Variants in DLG2 observed in about 807,000 individuals in gnomAD.
DLG2 encodes the protein disks large homolog 2.
DLG2 carries 45 observed loss-of-function variants against 132.5 expected under a neutral mutation model. The ratio of observed to expected loss-of-function variants is 0.34; its 90% CI spans 0.27 to 0.44. The LOEUF is 0.44. DLG2 is among the 20% of genes least tolerant of loss of function. The pLI, the probability that DLG2 is intolerant of heterozygous loss-of-function variation, is 1.00. For missense variants in DLG2, 1,045 were observed against 1,196.9 expected (o/e 0.87, Z 1.87); for synonymous variants, 424 against 419.6 (o/e 1.01, Z -0.13).
chr11:85,482,909 G>C (rs2153092189), intron 3 of DLG2, among the ~76,000 whole-genome samples: 1 of 152,272 alleles, frequency 6.6e-6, no homozygotes, highest in East Asian at 1.9e-4. Flanking sequence ...GATAGCCTTT[G>C]TGGACCCAGG....
At chr11:84,546,432 A>G (rs577206820) in intron 6 of DLG2, 2 of 227,814 alleles carry the variant, frequency 8.8e-6, no homozygotes, top group East Asian at 1.0e-4. Flanking sequence ...CCATGAGCCA[A>G]TTAAACCTCT....
chr11:84,112,297 CT>C (rs1259395317), intron 9 of DLG2, among the ~76,000 whole-genome samples: 56 of 139,146 alleles, frequency 4.0e-4, no homozygotes, highest in African/African-American at 4.8e-4. Flanking sequence ...CGCATCCGGC[CT>C]TTTTTTTTTT....
intron 10 of DLG2, among the ~76,000 whole-genome samples, chr11:84,070,617 G>A (rs534322655): frequency 1.1e-3 from 171 of 152,286 alleles, no homozygotes; most frequent in Non-Finnish European, 1.9e-3. Context: ...CATTTTCTCA[G>A]TCAAGTTCAA....
chr11:84,963,303 C>T lies in DLG2; in HGVS notation c.357+148358G>A, dbSNP rs145348602. Among the ~76,000 whole-genome samples the T allele has an allele frequency of 1.1e-4, 17 of 152,188 alleles. No individual in the cohort carries two copies. The East Asian group carries it at 1.7e-3, about 16-fold the overall frequency. ...TGAGCATTCAGTCACAGAATCAAAT[C>T]GGAGGGAAAAATATCTGCACTATAT... On this transcript the variant is annotated intron_variant, in intron 6 of 27. Coordinates refer to ENST00000376104, the MANE Select transcript of DLG2 (RefSeq NM_001142699.3).
chr11:84,352,696 C>T (rs1344083378), intron 7 of DLG2, among the ~76,000 whole-genome samples: 1 of 152,124 alleles, frequency 6.6e-6, no homozygotes, highest in Non-Finnish European at 1.5e-5. Flanking sequence ...TTTTTAATGT[C>T]TTAAAATAAC....
At chr11:83,571,615 T>C (rs2096798467) in intron 19 of DLG2, among the ~76,000 whole-genome samples, 1 of 151,036 alleles carries the variant, frequency 6.6e-6, no homozygotes, top group Non-Finnish European at 1.5e-5. Context: ...AAAAAAGTAC[T>C]GTTATTCAGC....
At chr11:84,905,111 C>T (rs1303561359) in intron 6 of DLG2, among the ~76,000 whole-genome samples, 1 of 152,118 alleles carries the variant, frequency 6.6e-6, no homozygotes, top group Non-Finnish European at 1.5e-5. Flanking sequence ...GCCTTGAACT[C>T]CTGGCTTCAG....
intron 3 of DLG2, among the ~76,000 whole-genome samples, chr11:85,450,377 G>A (rs988172540): frequency 1.3e-5 from 2 of 151,846 alleles, no homozygotes; most frequent in African/African-American, 4.8e-5. Flanking sequence ...TCACATCTGT[G>A]TATATACTAG....
chr11:85,536,214 C>CAAAA (rs527811605), intron 3 of DLG2, among the ~76,000 whole-genome samples: 6 of 57,494 alleles, frequency 1.0e-4, no homozygotes, highest in African/African-American at 2.6e-4. Flanking sequence ...GACCCTGTCT[C>CAAAA]AAAAAAAAAA....
At position 84,026,538 on chromosome 11, in the gene DLG2, G is replaced by T. The variant is rs549428142; in HGVS notation, c.919+32777C>A. Among the ~76,000 whole-genome samples, 192 of 152,180 alleles carry T rather than the reference G, an allele frequency of 1.3e-3. 1 individual carries two copies. The highest frequency in any genetic ancestry group is 4.4e-3 in the African/African-American group (182 of 41,534). On this transcript the variant is annotated intron_variant, in intron 11 of 27. Coordinates refer to ENST00000376104, the MANE Select transcript of DLG2 (RefSeq NM_001142699.3). ...AAGTCTATAATTTATTGGTAAAGAA[G>T]ATAGAATTATAAATAAGTACTGTAA... is the stretch of plus-strand genomic sequence containing the variant.
At chr11:85,126,603 A>G (rs1321149970) in intron 5 of DLG2, among the ~76,000 whole-genome samples, 2 of 151,648 alleles carry the variant, frequency 1.3e-5, no homozygotes, top group African/African-American at 4.9e-5. Context: ...CACTCAATAC[A>G]TTTTTTTTCT....
intron 9 of DLG2, among the ~76,000 whole-genome samples, chr11:84,112,575 C>T (rs1357916639): frequency 6.6e-6 from 1 of 151,284 alleles, no homozygotes; most frequent in East Asian, 1.9e-4. Flanking sequence ...TGGCGGTGTG[C>T]ACTTATTATT....
At chr11:84,262,927 G>A (rs2097566413) in intron 7 of DLG2, among the ~76,000 whole-genome samples, 1 of 152,030 alleles carries the variant, frequency 6.6e-6, no homozygotes, top group African/African-American at 2.4e-5. Context: ...CATTGATAAT[G>A]GAATCAACCT....
intron 7 of DLG2, among the ~76,000 whole-genome samples, chr11:84,336,704 C>T (rs545787418): frequency 4.7e-4 from 72 of 152,262 alleles, no homozygotes; most frequent in African/African-American, 1.6e-3. Context: ...CCCCGGGAGC[C>T]AAGTCTAGGA....
At chr11:84,251,168 T>G (rs1459361087) in intron 8 of DLG2, 70 bp downstream of exon 8, 2 of 952,200 alleles carry the variant, frequency 2.1e-6, no homozygotes, top group Non-Finnish European at 3.1e-6. Context: ...AAATGTGAAT[T>G]GAATTTAAAT....
intron 9 of DLG2, among the ~76,000 whole-genome samples, chr11:84,158,766 C>CA (rs1319655007): frequency 6.6e-6 from 1 of 151,928 alleles, no homozygotes; most frequent in Non-Finnish European, 1.5e-5. Flanking sequence ...AAAGCAGAAA[C>CA]AAAAGAAGTT....
chr11:84,771,995 A>G (rs1027616006), intron 6 of DLG2, among the ~76,000 whole-genome samples: 1 of 152,146 alleles, frequency 6.6e-6, no homozygotes, highest in African/African-American at 2.4e-5. Context: ...ATAATATACC[A>G]TCTGCAGTCT....
chr11:85,515,201 G>T (rs1054232840), intron 3 of DLG2, among the ~76,000 whole-genome samples: 3 of 151,916 alleles, frequency 2.0e-5, no homozygotes, highest in Non-Finnish European at 4.4e-5. Flanking sequence ...TCCAGTAAGA[G>T]AATTGTTCAG....
Position 84,694,207 on chromosome 11 carries a change from C to G in DLG2, c.358-159476G>C, listed in dbSNP as rs75270637. 9.4e-3 allele frequency among the ~76,000 whole-genome samples: 1,426 copies of G among 151,598 alleles called. 11 individuals are homozygous for G. Among genetic ancestry groups the G allele is most frequent in the African/African-American group, 0.014 (568 of 41,440 alleles). ...GTTCTTAAGACTGAGGTCATCTCAG[C>G]CATTGTGTCTTCTCATCAAGAAAAT... On this transcript the variant is annotated intron_variant, in intron 6 of 27. Transcript: ENST00000376104.
Sources: gnomAD v4.1 joint callset for allele counts (sites outside exome capture counted in the v4.1 genomes callset) on GRCh38, gnomAD v4.1.1 for gene constraint, MANE v1.5 for transcripts, NCBI Gene and HGNC (gene_info 2026-07-23, HGNC 2026-07-21) for gene names.